The following METTL16 variants were observed in gnomAD, a reference collection of about 807,000 sequenced individuals.
METTL16 encodes the protein RNA N(6)-adenosine-methyltransferase METTL16.
In METTL16, 19 loss-of-function variants were observed where a neutral mutation model predicts 57.9. The observed-to-expected ratio is 0.33, with a 90% CI of 0.23 to 0.48. The LOEUF (loss-of-function observed/expected upper bound fraction) is 0.48, where lower values mean the gene tolerates loss of function less well. METTL16 is among the 20% of genes least tolerant of loss of function. The pLI, the probability that METTL16 is intolerant of heterozygous loss-of-function variation, is 0.99. For missense variants in METTL16, 434 were observed against 691.5 expected (o/e 0.63, Z 4.18); for synonymous variants, 246 against 255.6 (o/e 0.96, Z 0.36).
At chr17:2,445,148 C>T (rs1459302682) in intron 6 of METTL16, among the ~76,000 whole-genome samples, 1 of 152,132 alleles carries the variant, frequency 6.6e-6, no homozygotes, top group Non-Finnish European at 1.5e-5. Context: ...CCGTGCTCAG[C>T]CCATTTTTAT....
intron 8 of METTL16, among the ~76,000 whole-genome samples, chr17:2,435,702 G>T (rs1002378828): frequency 6.7e-6 from 1 of 150,212 alleles, no homozygotes; most frequent in Non-Finnish European, 1.5e-5. Flanking sequence ...TGGCAGGGGG[G>T]AGTCTGGGGC....
intron 8 of METTL16, among the ~76,000 whole-genome samples, chr17:2,423,695 CA>C (rs2066786430): frequency 6.6e-6 from 1 of 152,142 alleles, no homozygotes. Context: ...GCTAAAAGGG[CA>C]GCACTTCCCA....
At chr17:2,477,991 G>C (rs2151569622) in intron 2 of METTL16, 106 bp from the exon 3 acceptor site, 5 of 842,726 alleles carry the variant, frequency 5.9e-6, no homozygotes, top group Middle Eastern at 3.1e-4. Flanking sequence ...ACCTCCCAGG[G>C]AGATCACACA....
chr17:2,431,423 T>G (rs1374170602), intron 8 of METTL16, among the ~76,000 whole-genome samples: 1 of 152,230 alleles, frequency 6.6e-6, no homozygotes, highest in African/African-American at 2.4e-5. Context: ...TGAATAATGT[T>G]GCTGTGAACA....
intron 2 of METTL16, among the ~76,000 whole-genome samples, chr17:2,479,438 T>C (rs927433209): frequency 2.0e-5 from 3 of 151,772 alleles, no homozygotes; most frequent in Non-Finnish European, 4.4e-5. Flanking sequence ...GCCTAAGTGT[T>C]GGGATTGCAG....
At chr17:2,455,523 A>T (rs547046617) in intron 6 of METTL16, among the ~76,000 whole-genome samples, 10 of 152,294 alleles carry the variant, frequency 6.6e-5, no homozygotes, top group African/African-American at 2.4e-4. Context: ...AAGCTGACAC[A>T]GCTAGCTCAC....
At position 2,419,401 on chromosome 17, in the gene METTL16, G is replaced by T. The variant is rs989564097; in HGVS notation, c.*569C>A. The T allele has an allele frequency of 6.9e-6, 2 of 288,758 alleles. No individual in the cohort carries two copies. Among genetic ancestry groups the T allele is most frequent in the Non-Finnish European group, 1.4e-5 (2 of 143,946 alleles). 17.9% of individuals were successfully genotyped at this position (288,758 alleles called of 1,614,324 possible). A position where few individuals can be genotyped will look rare whatever the true frequency, so the allele number is the denominator to read the frequency against. On this transcript the variant is annotated 3_prime_UTR_variant, in exon 10 of 10. Coordinates refer to ENST00000263092, the MANE Select transcript of METTL16 (RefSeq NM_024086.4). ...TCAGGAATGTGCCATTTACCGGGTG[G>T]TCCCCAGACTCTGCTGCTCCTTCCC...
intron 8 of METTL16, among the ~76,000 whole-genome samples, chr17:2,433,006 G>A (rs2066884708): frequency 6.6e-6 from 1 of 152,198 alleles, no homozygotes; most frequent in South Asian, 2.1e-4. Flanking sequence ...AGGTTTTGGT[G>A]TTATCCACAG....
intron 8 of METTL16, among the ~76,000 whole-genome samples, chr17:2,431,831 A>G (rs1042094402): frequency 6.6e-6 from 1 of 152,246 alleles, no homozygotes; most frequent in African/African-American, 2.4e-5. Context: ...ATCATTTGCC[A>G]TAATTTGTAG....
chr17:2,494,690 G>A (rs1260469319), intron 2 of METTL16, among the ~76,000 whole-genome samples: 1 of 151,316 alleles, frequency 6.6e-6, no homozygotes, highest in African/African-American at 2.4e-5. Flanking sequence ...TGGGCAACAG[G>A]AACCCTCTCT....
intron 6 of METTL16, among the ~76,000 whole-genome samples, chr17:2,463,928 AC>A (rs1260420392): frequency 6.6e-6 from 1 of 150,832 alleles, no homozygotes; most frequent in Admixed American, 6.6e-5. Context: ...GGAGTTCCAG[AC>A]CAGCCTGGCC....
intron 8 of METTL16, among the ~76,000 whole-genome samples, chr17:2,435,886 G>A (rs1372156279): frequency 6.6e-6 from 1 of 152,094 alleles, no homozygotes. Flanking sequence ...GAGGAGAGGA[G>A]GGGAGGGAAG....
intron 3 of METTL16, 169 bp downstream of exon 3, chr17:2,477,517 T>C (rs953776841): frequency 1.5e-5 from 9 of 610,118 alleles, no homozygotes; most frequent in Middle Eastern, 4.4e-4. Flanking sequence ...TGCTCAAAGG[T>C]TGCAGATTTT....
At chr17:2,458,344 T>C (rs2067125568) in intron 6 of METTL16, among the ~76,000 whole-genome samples, 1 of 151,560 alleles carries the variant, frequency 6.6e-6, no homozygotes, top group South Asian at 2.1e-4. Flanking sequence ...GCATCAGTTA[T>C]AGAACTGGTA....
At chr17:2,491,548 A>G (rs74990359) in intron 2 of METTL16, among the ~76,000 whole-genome samples, 1,951 of 152,246 alleles carry the variant, frequency 0.013, 37 homozygotes, top group African/African-American at 0.044. Context: ...ACCCAGCATG[A>G]TAAAGCCCTT....
intron 2 of METTL16, among the ~76,000 whole-genome samples, chr17:2,486,818 C>CA (rs2067345167): frequency 6.6e-6 from 1 of 151,098 alleles, no homozygotes; most frequent in South Asian, 2.1e-4. Flanking sequence ...ATAAAATATA[C>CA]AAAAATTAGT....
intron 8 of METTL16, among the ~76,000 whole-genome samples, chr17:2,432,625 C>T (rs181613202): frequency 1.3e-5 from 2 of 152,040 alleles, no homozygotes; most frequent in East Asian, 1.9e-4. Context: ...TCACGGTCAT[C>T]GCCAAGGTCT....
rs867880819 is a variant in METTL16 at position 2,454,568 on chromosome 17, T to A, written c.728+9640A>T. Among the ~76,000 whole-genome samples, 1,311 of 146,666 alleles carry A rather than the reference T, an allele frequency of 8.9e-3. 20 individuals are homozygous for A. The highest frequency in any genetic ancestry group is 0.029 in the African/African-American group (1,172 of 40,064). ...AAGACTATATTATTATTATTATTTTTTTTTTTTTTTTTTTGAGACGGAGTC... is the reference window on the plus strand; with the variant it reads ...AAGACTATATTATTATTATTATTTTATTTTTTTTTTTTTTGAGACGGAGTC... On this transcript the variant is annotated intron_variant, in intron 6 of 9. Transcript: ENST00000263092.
intron 8 of METTL16, among the ~76,000 whole-genome samples, chr17:2,430,877 T>C (rs190716569): frequency 6.6e-6 from 1 of 152,190 alleles, no homozygotes; most frequent in Admixed American, 6.6e-5. Context: ...CCAATTTCTA[T>C]CACCATGGGT....
Sources: gnomAD v4.1 joint callset for allele counts (sites outside exome capture counted in the v4.1 genomes callset) on GRCh38, gnomAD v4.1.1 for gene constraint, MANE v1.5 for transcripts, NCBI Gene and HGNC (gene_info 2026-07-23, HGNC 2026-07-21) for gene names.